The following CCDC177 variants were observed in gnomAD, a reference collection of about 807,000 sequenced individuals.
CCDC177 encodes coiled-coil domain containing 177.
A neutral mutation model predicts 7.3 loss-of-function variants in CCDC177; 2 were observed. That is an observed-to-expected ratio of 0.28 (90% CI 0.11 to 0.87). The LOEUF is 0.87. Among genes scored for constraint, CCDC177 ranks in the 40% least tolerant of loss-of-function variants. CCDC177 has a pLI of 0.61. For synonymous variants in CCDC177, 401 were observed against 449.2 expected (o/e 0.89, Z 1.36); for missense variants, 874 against 970.5 (o/e 0.90, Z 1.32).
rs762542565 is a variant in CCDC177, at chr14:69,571,644, T to C, written c.1979A>G (p.Glu660Gly). 3.7e-5 allele frequency: 46 copies of C among 1,232,090 alleles called. No homozygotes were observed. In the Admixed American group the frequency reaches 6.7e-4, roughly 18 times the overall value. 76.3% of individuals were successfully genotyped at this position (1,232,090 alleles called of 1,614,324 possible). ...GGCGCTCTCCAGCGCACTGCGCCGT[T>C]CCCGCGTCAGCTGCTCGCTGCGCTC... ...KLERSEQLTR[E>G]RRSALESARS... The change falls in exon 2 of 2, where the codon GAA (glutamate) becomes GGA (glycine). Residue 660 changes from glutamate to glycine, a missense_variant. By Grantham distance (98) the Glu-to-Gly change is moderately conservative. Coordinates refer to ENST00000599174, the MANE Select transcript of CCDC177 (RefSeq NM_001271507.2).
In CCDC177 at chr14:69,574,676, C is replaced by G. The variant is rs1430246619; in HGVS notation, c.-163G>C. 6.6e-6 allele frequency: 1 copy of G among 152,218 alleles called. No homozygotes were observed. Among genetic ancestry groups the G allele is most frequent in the Non-Finnish European group, 1.5e-5 (1 of 68,062 alleles). 9.4% of individuals were successfully genotyped at this position (152,218 alleles called of 1,614,324 possible). A position where few individuals can be genotyped will look rare whatever the true frequency, so the allele number is the denominator to read the frequency against. On this transcript the variant is annotated 5_prime_UTR_variant, in exon 1 of 2. Coordinates refer to ENST00000599174, the MANE Select transcript of CCDC177 (RefSeq NM_001271507.2). ...CAACCGTGAAAGGAGCCCCATCTGCCGCCGCCAGCGTCTCTCCATGGGGTC... is the reference window on the plus strand; with the variant it reads ...CAACCGTGAAAGGAGCCCCATCTGCGGCCGCCAGCGTCTCTCCATGGGGTC...
chr14:69,570,496 T>A lies in CCDC177; in HGVS notation c.*1003A>T. The A allele has an allele frequency of 1.4e-5, 4 of 288,140 alleles. No individual in the cohort carries two copies. Among genetic ancestry groups the A allele is most frequent in the Non-Finnish European group, 2.7e-5 (4 of 146,788 alleles). 17.8% of individuals were successfully genotyped at this position (288,140 alleles called of 1,614,324 possible). ...GTAAAGCAGCCAAGGATACCCTAATTGTCCTCAGAGAAGTAGAGATGATTC... is the reference window on the plus strand; with the variant it reads ...GTAAAGCAGCCAAGGATACCCTAATAGTCCTCAGAGAAGTAGAGATGATTC... On this transcript the variant is annotated 3_prime_UTR_variant, in exon 2 of 2. Coordinates refer to ENST00000599174, the MANE Select transcript of CCDC177 (RefSeq NM_001271507.2).
In CCDC177 at chr14:69,572,462, G is replaced by A. The variant is rs756630341; in HGVS notation, c.1161C>T (p.Ala387=). 5.5e-4 allele frequency: 672 copies of A among 1,229,568 alleles called. No homozygotes were observed. Among genetic ancestry groups the A allele is most frequent in the Non-Finnish European group, 6.5e-4 (639 of 986,730 alleles). 76.2% of individuals were successfully genotyped at this position (1,229,568 alleles called of 1,614,324 possible). Residue 387 remains alanine, a synonymous_variant, in exon 2 of 2, where the codon GCC becomes GCT. Transcript: ENST00000599174. ...REREEREKQR[A]LEQGRRAWAA... ...CCCAGGCTCGGCGGCCCTGCTCTAG[G>A]GCGCGCTGCTTCTCCCGCTCCTCGC...
In CCDC177 at chr14:69,572,886, G is replaced by A; in HGVS notation, c.737C>T (p.Ser246Phe). The change falls in exon 2 of 2, where the codon TCC becomes TTC. Residue 246 changes from serine (S) to phenylalanine (F), a missense_variant. Transcript: ENST00000599174. ...LSRRREGALS[S>F]ESGASSSSYS... ...GGATGACGACGATGCGCCCGACTCG[G>A]AGCTGAGGGCGCCCTCACGCCGGCG... 1.6e-6 allele frequency: 2 copies of A among 1,230,990 alleles called. No individual in the cohort carries two copies. Among genetic ancestry groups the A allele is most frequent in the Non-Finnish European group, 1.0e-6 (1 of 987,510 alleles). 76.3% of individuals were successfully genotyped at this position (1,230,990 alleles called of 1,614,324 possible). A position where few individuals can be genotyped will look rare whatever the true frequency, so the allele number is the denominator to read the frequency against.
Position 69,571,343 on chromosome 14 carries a change from G to A in CCDC177, c.*156C>T. On this transcript the variant is annotated 3_prime_UTR_variant, in exon 2 of 2. Coordinates refer to ENST00000599174, the MANE Select transcript of CCDC177 (RefSeq NM_001271507.2). ...GTTTTAAAAACAAAGGGGGCCAGCTGACAGGTCCCAAACGTCTGTACTGTT... is the reference window on the plus strand; with the variant it reads ...GTTTTAAAAACAAAGGGGGCCAGCTAACAGGTCCCAAACGTCTGTACTGTT... 1 of 565,248 alleles carries A rather than the reference G, an allele frequency of 1.8e-6. No homozygotes were observed. Among genetic ancestry groups the A allele is most frequent in the South Asian group, 3.2e-5 (1 of 30,848 alleles). 35.0% of individuals were successfully genotyped at this position (565,248 alleles called of 1,614,324 possible).
chr14:69,572,858 G>GT lies in CCDC177; in HGVS notation c.764dup (p.Tyr255Ter). Residue 255 changes from tyrosine to a stop codon, truncating the protein, a stop_gained and frameshift_variant, in exon 2 of 2, where the codon TAC (tyrosine) becomes TAAC (stop). Transcript: ENST00000599174. LOFTEE classifies it low-confidence loss of function (END_TRUNC). ...SSESGASSSS[Y>*]SGESLRELRW... ...GCAGCTCCCTCAAGCTTTCCCCACTGTAGGATGACGACGATGCGCCCGACT... is the reference window on the plus strand; with the variant it reads ...GCAGCTCCCTCAAGCTTTCCCCACTGTTAGGATGACGACGATGCGCCCGACT... The GT allele has an allele frequency of 8.1e-7, 1 of 1,231,004 alleles. No homozygotes were observed. The highest frequency in any genetic ancestry group is 1.0e-6 in the Non-Finnish European group (1 of 987,518). The allele number at this position is 1,231,004 out of a possible 1,614,324, so 76.3% of individuals were successfully genotyped here. A position where few individuals can be genotyped will look rare whatever the true frequency, so the allele number is the denominator to read the frequency against.
Position 69,573,254 on chromosome 14 carries a change from C to T in CCDC177, c.369G>A (p.Pro123=). 3.2e-6 allele frequency: 4 copies of T among 1,231,322 alleles called. No individual in the cohort carries two copies. The highest frequency in any genetic ancestry group is 3.1e-5 in the African/African-American group (2 of 64,528). 76.3% of individuals were successfully genotyped at this position (1,231,322 alleles called of 1,614,324 possible). A position where few individuals can be genotyped will look rare whatever the true frequency, so the allele number is the denominator to read the frequency against. Residue 123 remains proline, a synonymous_variant, in exon 2 of 2, where the codon CCG becomes CCA. Transcript: ENST00000599174. ...RALADLVREA[P]GRSMRVATGL... Reference sequence around the variant, plus strand: ...CGGTGGCCACCCGCATGGAGCGGCCCGGAGCCTCTCGCACCAGGTCGGCCA... The same window carrying T: ...CGGTGGCCACCCGCATGGAGCGGCCTGGAGCCTCTCGCACCAGGTCGGCCA...
At position 69,572,416 on chromosome 14, in the gene CCDC177, G is replaced by C; in HGVS notation, c.1207C>G (p.Arg403Gly). 1 of 1,226,162 alleles carries C rather than the reference G, an allele frequency of 8.2e-7. No homozygotes were observed. 76.0% of individuals were successfully genotyped at this position (1,226,162 alleles called of 1,614,324 possible). The change falls in exon 2 of 2, where the codon CGA (arginine) becomes GGA (glycine). Residue 403 changes from arginine to glycine, a missense_variant. Physicochemically the swap from Arg to Gly is moderately radical, Grantham distance 125. Coordinates refer to ENST00000599174, the MANE Select transcript of CCDC177 (RefSeq NM_001271507.2). ...RAWAAQVEER[R>G]GRRGREEREA... Reference sequence around the variant, plus strand: ...CGCTCTTCGCGGCCACGGCGGCCTCGCCGCTCCTCCACCTGCGCGGCCCAG... The same window carrying C: ...CGCTCTTCGCGGCCACGGCGGCCTCCCCGCTCCTCCACCTGCGCGGCCCAG...
Position 69,572,936 on chromosome 14 carries a change from C to T in CCDC177, c.687G>A (p.Lys229=). 1.6e-6 allele frequency: 2 copies of T among 1,231,392 alleles called. No individual in the cohort carries two copies. The highest frequency in any genetic ancestry group is 2.0e-6 in the Non-Finnish European group (2 of 987,758). 76.3% of individuals were successfully genotyped at this position (1,231,392 alleles called of 1,614,324 possible). The change falls in exon 2 of 2, where the codon AAG becomes AAA. Residue 229 remains lysine (K), a synonymous_variant. Coordinates refer to ENST00000599174, the MANE Select transcript of CCDC177 (RefSeq NM_001271507.2). ...PPPAGSRTGR[K]SHSLDSLSRR... The stretch of plus-strand genomic sequence containing the variant: ...GGGACAGTGAGTCCAGCGAATGGCT[C>T]TTCCTGCCTGTTCGAGAACCCGCTG...
In CCDC177 at chr14:69,571,494, C is replaced by T. The variant is rs1279694080; in HGVS notation, c.*5G>A. The T allele has an allele frequency of 4.8e-6, 6 of 1,247,150 alleles. No individual in the cohort carries two copies. The highest frequency in any genetic ancestry group is 3.1e-5 in the African/African-American group (2 of 64,854). The allele number at this position is 1,247,150 out of a possible 1,614,324, so 77.3% of individuals were successfully genotyped here. The stretch of plus-strand genomic sequence containing the variant: ...CGTGCCAATCTGGCTGGCAAAGAGC[C>T]GCAGTTATTTGCGGTCCAGGCTGGC... On this transcript the variant is annotated 3_prime_UTR_variant, in exon 2 of 2. Coordinates refer to ENST00000599174, the MANE Select transcript of CCDC177 (RefSeq NM_001271507.2).
At position 69,572,089 on chromosome 14, in the gene CCDC177, G is replaced by T; in HGVS notation, c.1534C>A (p.His512Asn). The T allele has an allele frequency of 8.1e-7, 1 of 1,230,584 alleles. No individual in the cohort carries two copies. Among genetic ancestry groups the T allele is most frequent in the Non-Finnish European group, 1.0e-6 (1 of 987,180 alleles). 76.2% of individuals were successfully genotyped at this position (1,230,584 alleles called of 1,614,324 possible). Residue 512 changes from histidine to asparagine, a missense_variant, in exon 2 of 2, where the codon CAC becomes AAC. His to Asn is a moderately conservative substitution (Grantham distance 68, BLOSUM62 1). Coordinates refer to ENST00000599174, the MANE Select transcript of CCDC177 (RefSeq NM_001271507.2). The stretch of plus-strand genomic sequence containing the variant: ...GTCCGACCCTGTAGCAGCGCCTCGT[G>T]GCGCGCCCGCTCGGCCCGGCTCAGC... ...RELSRAERAR[H>N]EALLQGRTRQ...
chr14:69,574,014 C>A (rs1036116192), intron 1 of CCDC177, among the ~76,000 whole-genome samples: 16 of 152,174 alleles, frequency 1.1e-4, no homozygotes, highest in Non-Finnish European at 1.8e-4. Flanking sequence ...CTGGAGGATT[C>A]CCGGGAGGAT....
rs549928316 is a variant in CCDC177 at position 69,570,310 on chromosome 14, T to C, written c.*1189A>G. 5.0e-5 allele frequency: 8 copies of C among 159,648 alleles called. No homozygotes were observed. The South Asian group carries it at 1.4e-3, about 28-fold the overall frequency. The allele number at this position is 159,648 out of a possible 1,614,324, so 9.9% of individuals were successfully genotyped here. On this transcript the variant is annotated 3_prime_UTR_variant, in exon 2 of 2. Coordinates refer to ENST00000599174, the MANE Select transcript of CCDC177 (RefSeq NM_001271507.2). The stretch of plus-strand genomic sequence containing the variant: ...GGTTCCATCTGGCGAATGGGAAAGG[T>C]GAGGCATTGAGAGGGTGAAATGCTT...
Position 69,572,328 on chromosome 14 carries a change from G to A in CCDC177, c.1295C>T (p.Ala432Val). The A allele has an allele frequency of 8.2e-7, 1 of 1,225,888 alleles. No individual in the cohort carries two copies. Among genetic ancestry groups the A allele is most frequent in the Non-Finnish European group, 1.0e-6 (1 of 984,366 alleles). The allele number at this position is 1,225,888 out of a possible 1,614,324, so 75.9% of individuals were successfully genotyped here. Residue 432 changes from alanine to valine, a missense_variant, in exon 2 of 2, where the codon GCC becomes GTC. Coordinates refer to ENST00000599174, the MANE Select transcript of CCDC177 (RefSeq NM_001271507.2). Reference protein sequence around the residue: ...ERSEERRRELAERQGLLRRER... With the variant: ...ERSEERRRELVERQGLLRRER... ...CCGCCGCAGGAGGCCCTGGCGTTCG[G>A]CCAGCTCCCGCCGCCGCTCCTCGCT...
In CCDC177 at chr14:69,572,614, G is replaced by C; in HGVS notation, c.1009C>G (p.Arg337Gly). ...ATGAGCGCCGCGATCTTCCGGTCAC[G>C]CTCCGGCACCCCGCGCAGGCCGCGC... ...AERGLRGVPE[R>G]DRKIAALMLA... The change falls in exon 2 of 2, where the codon CGT becomes GGT. Residue 337 changes from arginine to glycine, a missense_variant. Coordinates refer to ENST00000599174, the MANE Select transcript of CCDC177 (RefSeq NM_001271507.2). The C allele has an allele frequency of 8.1e-7, 1 of 1,231,264 alleles. No individual in the cohort carries two copies. The highest frequency in any genetic ancestry group is 1.0e-6 in the Non-Finnish European group (1 of 987,612). 76.3% of individuals were successfully genotyped at this position (1,231,264 alleles called of 1,614,324 possible).
Position 69,573,466 on chromosome 14 carries a change from T to C in CCDC177, c.157A>G (p.Lys53Glu). Residue 53 changes from lysine to glutamate, a missense_variant, in exon 2 of 2, where the codon AAG becomes GAG. By Grantham distance (56) the Lys-to-Glu change is moderately conservative (BLOSUM62 1). Transcript: ENST00000599174. ...GCGGCTGCACATGGGACTTCTGCCT[T>C]GCGGGGCACCGCCGCGGAGGCCGAG... is the stretch of plus-strand genomic sequence containing the variant. ...SASASAAVPR[K>E]AEVPCAAAEG... 1 of 1,212,210 alleles carries C rather than the reference T, an allele frequency of 8.2e-7. No homozygotes were observed. The highest frequency in any genetic ancestry group is 4.2e-5 in the South Asian group (1 of 23,886). 75.1% of individuals were successfully genotyped at this position (1,212,210 alleles called of 1,614,324 possible).
At position 69,572,415 on chromosome 14, in the gene CCDC177, C is replaced by A; in HGVS notation, c.1208G>T (p.Arg403Leu). 1 of 1,226,138 alleles carries A rather than the reference C, an allele frequency of 8.2e-7. No individual in the cohort carries two copies. Among genetic ancestry groups the A allele is most frequent in the East Asian group, 3.2e-5 (1 of 31,278 alleles). 76.0% of individuals were successfully genotyped at this position (1,226,138 alleles called of 1,614,324 possible). A position where few individuals can be genotyped will look rare whatever the true frequency, so the allele number is the denominator to read the frequency against. Residue 403 changes from arginine (R) to leucine (L), a missense_variant, in exon 2 of 2, where the codon CGA (arginine) becomes CTA (leucine). Arg to Leu is a moderately radical substitution (Grantham distance 102). Coordinates refer to ENST00000599174, the MANE Select transcript of CCDC177 (RefSeq NM_001271507.2). Reference protein sequence around the residue: ...RAWAAQVEERRGRRGREEREA... With the variant: ...RAWAAQVEERLGRRGREEREA... ...GCGCTCTTCGCGGCCACGGCGGCCT[C>A]GCCGCTCCTCCACCTGCGCGGCCCA...
At position 69,571,560 on chromosome 14, in the gene CCDC177, G is replaced by A; in HGVS notation, c.2063C>T (p.Thr688Met). 8.1e-7 allele frequency: 1 copy of A among 1,237,558 alleles called. No homozygotes were observed. The highest frequency in any genetic ancestry group is 3.1e-5 in the East Asian group (1 of 31,940). 76.7% of individuals were successfully genotyped at this position (1,237,558 alleles called of 1,614,324 possible). Reference sequence around the variant, plus strand: ...CCGCACCATGCGGTCGAAGGATCGCGTGTTGGTCTCCTCGCGCACCTTCTC... The same window carrying A: ...CCGCACCATGCGGTCGAAGGATCGCATGTTGGTCTCCTCGCGCACCTTCTC... ...VREKVREETN[T>M]RSFDRMVREA... is the part of the protein sequence containing the mutation. Residue 688 changes from threonine (T) to methionine (M), a missense_variant, in exon 2 of 2, where the codon ACG becomes ATG. Thr to Met is a moderately conservative substitution (Grantham distance 81). Coordinates refer to ENST00000599174, the MANE Select transcript of CCDC177 (RefSeq NM_001271507.2).
Position 69,571,883 on chromosome 14 carries a change from T to G in CCDC177, c.1740A>C (p.Glu580Asp), listed in dbSNP as rs1259533107. 86 of 1,231,584 alleles carry G rather than the reference T, an allele frequency of 7.0e-5. No homozygotes were observed. Among genetic ancestry groups the G allele is most frequent in the Non-Finnish European group, 5.2e-5 (51 of 988,062 alleles). 76.3% of individuals were successfully genotyped at this position (1,231,584 alleles called of 1,614,324 possible). Residue 580 changes from glutamate to aspartate, a missense_variant, in exon 2 of 2, where the codon GAA becomes GAC. Coordinates refer to ENST00000599174, the MANE Select transcript of CCDC177 (RefSeq NM_001271507.2). ...AKEAAERKER[E>D]HQAHLEALAR... ...CCAGCGCCTCCAGGTGCGCCTGATG[T>G]TCCCGCTCTTTGCGCTCTGCCGCCT...
Sources: gnomAD v4.1 joint callset for allele counts (sites outside exome capture counted in the v4.1 genomes callset) on GRCh38, gnomAD v4.1.1 for gene constraint, MANE v1.5 for transcripts, NCBI Gene and HGNC (gene_info 2026-07-23, HGNC 2026-07-21) for gene names.